The following MEIS2 variants were observed in gnomAD, a reference collection of about 807,000 sequenced individuals.
MEIS2 encodes the protein homeobox protein Meis2.
MEIS2 carries 9 observed loss-of-function variants against 58.6 expected under a neutral mutation model. The ratio of observed to expected loss-of-function variants is 0.15; its 90% CI spans 0.09 to 0.27. The LOEUF (loss-of-function observed/expected upper bound fraction) is 0.27, where lower values mean the gene tolerates loss of function less well. Among genes scored for constraint, MEIS2 ranks in the 10% least tolerant of loss-of-function variants. The probability of loss-of-function intolerance (pLI) is 1.00; values close to 1 mark genes in which losing one functional copy is unlikely to be tolerated. For synonymous variants in MEIS2, 221 were observed against 228.4 expected (o/e 0.97, Z 0.29); for missense variants, 427 against 635.0 (o/e 0.67, Z 3.52).
At chr15:37,033,202 A>G (rs553978230) in intron 8 of MEIS2, among the ~76,000 whole-genome samples, 1 of 152,260 alleles carries the variant, frequency 6.6e-6, no homozygotes, top group Admixed American at 6.5e-5. Context: ...AGTTGAGAAC[A>G]TATGTAGAAA....
chr15:36,998,145 A>G (rs971762003), intron 8 of MEIS2, among the ~76,000 whole-genome samples: 4 of 151,340 alleles, frequency 2.6e-5, no homozygotes, highest in Non-Finnish European at 5.9e-5. Flanking sequence ...TTAAAGGTGG[A>G]TCCCATAAAT....
At chr15:37,020,211 T>TAATC (rs2061477821) in intron 8 of MEIS2, among the ~76,000 whole-genome samples, 1 of 152,070 alleles carries the variant, frequency 6.6e-6, no homozygotes, top group Admixed American at 6.6e-5. Flanking sequence ...AAGCGTGTAT[T>TAATC]AATCACAGGT....
At chr15:36,924,303 G>A (rs1400428869) in intron 9 of MEIS2, among the ~76,000 whole-genome samples, 1 of 152,188 alleles carries the variant, frequency 6.6e-6, no homozygotes, top group Non-Finnish European at 1.5e-5. Flanking sequence ...TGCCCTGTCA[G>A]GCAGAAAACA....
intron 7 of MEIS2, among the ~76,000 whole-genome samples, chr15:37,076,338 AC>A (rs1660812212): frequency 6.6e-6 from 1 of 152,042 alleles, no homozygotes; most frequent in African/African-American, 2.4e-5. Context: ...AAAATAGAAC[AC>A]GTGTATTACA....
intron 8 of MEIS2, among the ~76,000 whole-genome samples, chr15:36,981,950 C>T (rs939156627): frequency 6.6e-6 from 1 of 152,072 alleles, no homozygotes; most frequent in Admixed American, 6.6e-5. Flanking sequence ...CCCCAAAACC[C>T]CCAAGTTCCA....
At chr15:37,057,724 C>A (rs7176803) in intron 7 of MEIS2, among the ~76,000 whole-genome samples, 1 of 152,014 alleles carries the variant, frequency 6.6e-6, no homozygotes, top group African/African-American at 2.4e-5. Flanking sequence ...TTTTTCCCCC[C>A]GGTAGAGTTT....
chr15:36,941,778 G>A (rs2058384671), intron 9 of MEIS2, among the ~76,000 whole-genome samples: 1 of 152,174 alleles, frequency 6.6e-6, no homozygotes. Flanking sequence ...AGTCAAGGAA[G>A]ACCCATTCCT....
At chr15:36,953,255 T>A (rs954219020) in intron 8 of MEIS2, among the ~76,000 whole-genome samples, 4 of 152,216 alleles carry the variant, frequency 2.6e-5, no homozygotes, top group Non-Finnish European at 5.9e-5. Context: ...TACTACATGA[T>A]CTATCATATG....
chr15:37,020,976 GGA>G, intron 8 of MEIS2, among the ~76,000 whole-genome samples: 1 of 152,250 alleles, frequency 6.6e-6, no homozygotes, highest in South Asian at 2.1e-4. Context: ...TGAAGTCAGA[GGA>G]AATGTTATGC....
At chr15:37,092,574 G>A (rs1893661208) in intron 6 of MEIS2, among the ~76,000 whole-genome samples, 1 of 151,788 alleles carries the variant, frequency 6.6e-6, no homozygotes, top group African/African-American at 2.4e-5. Flanking sequence ...CCAGGCTTGA[G>A]TTCCTATAAA....
chr15:37,034,018 G>A (rs902959879), intron 8 of MEIS2, among the ~76,000 whole-genome samples: 1 of 152,164 alleles, frequency 6.6e-6, no homozygotes, highest in African/African-American at 2.4e-5. Context: ...GGCACAGAGA[G>A]AAAGATGGGA....
chr15:37,005,655 AAG>A (rs1176377801), intron 8 of MEIS2, among the ~76,000 whole-genome samples: 2 of 152,136 alleles, frequency 1.3e-5, no homozygotes, highest in African/African-American at 4.8e-5. Flanking sequence ...CTCCGGGCTC[AAG>A]AGATCCTCCG....
At chr15:37,092,036 T>C (rs1003104022) in intron 6 of MEIS2, among the ~76,000 whole-genome samples, 2 of 152,156 alleles carry the variant, frequency 1.3e-5, no homozygotes, top group East Asian at 1.9e-4. Flanking sequence ...GATCAGCAAA[T>C]AAACTTTCCA....
chr15:37,045,478 TA>T (rs966943691), intron 7 of MEIS2, among the ~76,000 whole-genome samples: 1 of 140,626 alleles, frequency 7.1e-6, no homozygotes, highest in Non-Finnish European at 1.6e-5. Context: ...CAAATGAGAT[TA>T]AAAAAAAGAA....
At position 36,950,513 on chromosome 15, in the gene MEIS2, T is replaced by A. The variant is rs931226292; in HGVS notation, c.901-113A>T. 4.1e-6 allele frequency: 4 copies of A among 980,404 alleles called. No individual in the cohort carries two copies. In the African/African-American group the frequency reaches 6.6e-5, roughly 16 times the overall value. The allele number at this position is 980,404 out of a possible 1,614,324, so 60.7% of individuals were successfully genotyped here. On this transcript the variant is annotated intron_variant, in intron 8 of 11. Coordinates refer to ENST00000561208, the MANE Select transcript of MEIS2 (RefSeq NM_170675.5). Reference sequence around the variant, plus strand: ...TCTTTAGTCTATGGCTTGATTTTCCTACTTGCATCTTTTTTATCATGTGTT... The same window carrying A: ...TCTTTAGTCTATGGCTTGATTTTCCAACTTGCATCTTTTTTATCATGTGTT...
intron 7 of MEIS2, among the ~76,000 whole-genome samples, chr15:37,071,166 G>A (rs376235383): frequency 2.2e-4 from 34 of 152,008 alleles, no homozygotes; most frequent in African/African-American, 8.0e-4. Context: ...TATTATTGAA[G>A]GCCTCCTATA....
At chr15:37,098,379 GGAGAGAGAGAGAGAGAGAGAGAGA>G (rs534692479) in intron 1 of MEIS2, 180 bp from the exon 2 acceptor site, 225 of 307,896 alleles carry the variant, frequency 7.3e-4, no homozygotes, top group Middle Eastern at 1.8e-3. Context: ...GAGGAGAGGG[GGAGAGAGAGAGAGAGAGAGAGAGA>G]GAGAGAGAGA....
chr15:37,009,850 A>G (rs1030683880), intron 8 of MEIS2, among the ~76,000 whole-genome samples: 2 of 152,236 alleles, frequency 1.3e-5, no homozygotes, highest in African/African-American at 4.8e-5. Flanking sequence ...ATGTGTCTAC[A>G]TAGATACACA....
chr15:36,943,299 A>C (rs1461640357), intron 9 of MEIS2, among the ~76,000 whole-genome samples: 1 of 152,174 alleles, frequency 6.6e-6, no homozygotes, highest in Non-Finnish European at 1.5e-5. Context: ...GACTTATTTG[A>C]GCAAACTTTG....
Sources: allele counts gnomAD v4.1 joint callset (sites outside exome capture counted in the v4.1 genomes callset), GRCh38; gene constraint gnomAD v4.1.1; transcripts MANE v1.5; gene names NCBI Gene and HGNC (gene_info 2026-07-23, HGNC 2026-07-21).